Variants in XKR9 observed in about 807,000 individuals in gnomAD.
The protein encoded by XKR9 is XK-related protein 9.
A neutral mutation model predicts 32.0 loss-of-function variants in XKR9; 32 were observed. That is an observed-to-expected ratio of 1.00 (90% CI 0.76 to 1.34). The LOEUF is 1.34. XKR9 is among the 40% of genes most tolerant of loss of function. XKR9 has a pLI of 0.00. For missense variants in XKR9, 546 were observed against 429.7 expected (o/e 1.27, Z -2.39); for synonymous variants, 168 against 143.4 (o/e 1.17, Z -1.22).
At chr8:70,751,249 C>T (rs1383196425) in intron 2 of XKR9, among the ~76,000 whole-genome samples, 1 of 152,190 alleles carries the variant, frequency 6.6e-6, no homozygotes, top group African/African-American at 2.4e-5. Context: ...CCCGCCTCAG[C>T]CTCCCAAGTA....
At chr8:71,036,667 A>G in the XKR9 span, among the ~76,000 whole-genome samples, 2 of 152,124 alleles carry the variant, frequency 1.3e-5, no homozygotes, top group African/African-American at 2.4e-5. Flanking sequence ...ATCAATCACA[A>G]TGGATGGTAT....
chr8:70,855,882 T>G, the XKR9 span, among the ~76,000 whole-genome samples: 3 of 152,146 alleles, frequency 2.0e-5, no homozygotes, highest in African/African-American at 7.2e-5. Context: ...AAACCAAGCT[T>G]CATAAGTGAA....
At chr8:71,030,927 A>G in the XKR9 span, among the ~76,000 whole-genome samples, 4 of 152,326 alleles carry the variant, frequency 2.6e-5, no homozygotes, top group African/African-American at 9.6e-5. Context: ...ATGGTCTAGT[A>G]TCAAGGGTAC....
chr8:71,060,944 T>C, the XKR9 span, among the ~76,000 whole-genome samples: 6 of 152,204 alleles, frequency 3.9e-5, no homozygotes, highest in Admixed American at 6.5e-5. Flanking sequence ...GTGGTAATAG[T>C]AGTGTTACTA....
chr8:70,780,702 C>T (rs191915571), intron 2 of XKR9, among the ~76,000 whole-genome samples: 9 of 152,160 alleles, frequency 5.9e-5, no homozygotes, highest in Admixed American at 3.9e-4. Flanking sequence ...TTGTTTAGAG[C>T]CATCTAATTT....
chr8:70,876,240 G>C, the XKR9 span, among the ~76,000 whole-genome samples: 1 of 48,270 alleles, frequency 2.1e-5, no homozygotes, highest in Non-Finnish European at 4.5e-5. Flanking sequence ...TTTTTTTTTT[G>C]AGATGAAGTC....
chr8:70,743,907 G>T (rs921309629), intron 2 of XKR9, among the ~76,000 whole-genome samples: 11 of 151,666 alleles, frequency 7.3e-5, no homozygotes, highest in African/African-American at 2.7e-4. Context: ...GCTTTTTTTT[G>T]CTGTGAAGTG....
the XKR9 span, among the ~76,000 whole-genome samples, chr8:70,827,318 A>G: frequency 6.6e-6 from 1 of 152,196 alleles, no homozygotes; most frequent in Non-Finnish European, 1.5e-5. Context: ...GAAAAACAGT[A>G]TGACACAAAC....
chr8:71,016,726 C>T, the XKR9 span, among the ~76,000 whole-genome samples: 1 of 152,272 alleles, frequency 6.6e-6, no homozygotes, highest in South Asian at 2.1e-4. Flanking sequence ...TTATGGAGAT[C>T]ATTTCCACCA....
At chr8:70,694,953 TGAAGACC>T (rs1459057437) in intron 3 of XKR9, among the ~76,000 whole-genome samples, 1 of 152,162 alleles carries the variant, frequency 6.6e-6, no homozygotes, top group Non-Finnish European at 1.5e-5. Context: ...TCTGTCAGAC[TGAAGACC>T]GAAGGCCCTG....
chr8:71,001,003 G>A, the XKR9 span, among the ~76,000 whole-genome samples: 1 of 152,160 alleles, frequency 6.6e-6, no homozygotes, highest in Admixed American at 6.5e-5. Flanking sequence ...TCACTCATTC[G>A]TGGGTGATTT....
intron 2 of XKR9, among the ~76,000 whole-genome samples, chr8:70,766,038 G>T (rs1403104948): frequency 6.6e-6 from 1 of 152,176 alleles, no homozygotes; most frequent in Non-Finnish European, 1.5e-5. Context: ...CAGGTAGTGT[G>T]ATGCCTCCAG....
chr8:70,885,657 C>T, the XKR9 span, among the ~76,000 whole-genome samples: 9 of 151,860 alleles, frequency 5.9e-5, no homozygotes, highest in South Asian at 2.1e-4. Context: ...AGTGCAGTGG[C>T]GCGATCTCAG....
chr8:71,002,064 G>A, the XKR9 span, among the ~76,000 whole-genome samples: 1 of 152,128 alleles, frequency 6.6e-6, no homozygotes, highest in Non-Finnish European at 1.5e-5. Context: ...CAAATGATAT[G>A]ATGATAATAA....
chr8:70,955,115 G>A, the XKR9 span, among the ~76,000 whole-genome samples: 4 of 152,190 alleles, frequency 2.6e-5, no homozygotes, highest in African/African-American at 9.7e-5. Flanking sequence ...AACTTCACCC[G>A]TGACTTCTGT....
At chr8:70,961,757 T>C in the XKR9 span, among the ~76,000 whole-genome samples, 1 of 152,116 alleles carries the variant, frequency 6.6e-6, no homozygotes, top group African/African-American at 2.4e-5. Flanking sequence ...TATGATTAGG[T>C]AAATACATAA....
intron 2 of XKR9, among the ~76,000 whole-genome samples, chr8:70,781,379 A>G (rs1050537846): frequency 6.6e-6 from 1 of 151,748 alleles, no homozygotes; most frequent in East Asian, 1.9e-4. Context: ...TTGTCTTTTT[A>G]CTTTCTTTTT....
the XKR9 span, among the ~76,000 whole-genome samples, chr8:70,990,651 C>T: frequency 2.6e-5 from 4 of 151,280 alleles, no homozygotes; most frequent in East Asian, 1.9e-4. Flanking sequence ...TGCAAGTTTC[C>T]GTTCCAATCC....
the XKR9 span, among the ~76,000 whole-genome samples, chr8:70,922,126 C>T: frequency 2.6e-5 from 4 of 152,076 alleles, no homozygotes; most frequent in Non-Finnish European, 4.4e-5. Context: ...CCTCCTCTAC[C>T]CTCTGTATAC....
Sources: gnomAD v4.1 joint callset for allele counts (sites outside exome capture counted in the v4.1 genomes callset) on GRCh38, gnomAD v4.1.1 for gene constraint, MANE v1.5 for transcripts, NCBI Gene and HGNC (gene_info 2026-07-23, HGNC 2026-07-21) for gene names.